The following KSR1 variants were observed in gnomAD, a reference collection of about 807,000 sequenced individuals.
The protein encoded by KSR1 is kinase suppressor of ras.
In KSR1, 35 loss-of-function variants were observed where a neutral mutation model predicts 92.9. The observed-to-expected ratio is 0.38, with a 90% CI of 0.29 to 0.50. The LOEUF (loss-of-function observed/expected upper bound fraction) is 0.50. KSR1 is among the 20% of genes least tolerant of loss of function. The pLI is 0.94. For synonymous variants in KSR1, 467 were observed against 472.6 expected, an observed-to-expected ratio of 0.99 and a Z score of 0.15; for missense variants, 972 against 1,158.5, an observed-to-expected ratio of 0.84 and a Z score of 2.34.
In KSR1 at chr17:27,620,295, G is replaced by C. The variant is rs530587340; in HGVS notation, c.2628-898G>C. On this transcript the variant is annotated intron_variant, in intron 19 of 20. Transcript: ENST00000644974. Reference sequence around the variant, plus strand: ...TTTAGGCAGCCATTGCTGCACACCTGCCGCATGCCTGCACACCTGCCGCAT... The same window carrying C: ...TTTAGGCAGCCATTGCTGCACACCTCCCGCATGCCTGCACACCTGCCGCAT... 3.3e-5 allele frequency among the ~76,000 whole-genome samples: 5 copies of C among 152,268 alleles called. No individual in the cohort carries two copies. In the East Asian group the frequency reaches 9.7e-4, roughly 29 times the overall value.
chr17:27,507,563 CTTTTTTT>C (rs751092460), intron 1 of KSR1, among the ~76,000 whole-genome samples: 1 of 43,324 alleles, frequency 2.3e-5, no homozygotes, highest in Non-Finnish European at 4.2e-5. Context: ...TATTGTTTGG[CTTTTTTT>C]TTTTTTTTTT....
chr17:27,457,181 G>T (rs1419979592), intron 1 of KSR1, among the ~76,000 whole-genome samples: 1 of 152,114 alleles, frequency 6.6e-6, no homozygotes, highest in East Asian at 1.9e-4. Flanking sequence ...CAGTTTGCGG[G>T]GCCGCAGGAC....
chr17:27,554,329 CAG>C (rs1381239315), intron 2 of KSR1, among the ~76,000 whole-genome samples: 1 of 152,232 alleles, frequency 6.6e-6, no homozygotes, highest in Admixed American at 6.5e-5. Context: ...TCATCTAAAA[CAG>C]GGGACCCATC....
At chr17:27,526,068 T>C (rs9909945) in intron 1 of KSR1, among the ~76,000 whole-genome samples, 29 of 57,978 alleles carry the variant, frequency 5.0e-4, no homozygotes, top group South Asian at 2.7e-3. Context: ...CTCTCTTTCT[T>C]TCTCTTTCTT....
intron 9 of KSR1, among the ~76,000 whole-genome samples, chr17:27,596,405 C>G (rs1055337363): frequency 1.3e-5 from 2 of 152,184 alleles, no homozygotes; most frequent in African/African-American, 4.8e-5. Flanking sequence ...TCTCACTAGG[C>G]ACCAAACGTG....
At chr17:27,611,966 A>T (rs989688544) in intron 18 of KSR1, among the ~76,000 whole-genome samples, 14 of 152,040 alleles carry the variant, frequency 9.2e-5, no homozygotes, top group South Asian at 2.1e-4. Flanking sequence ...AATTTTTTTT[A>T]AAAAAATCAC....
chr17:27,539,547 C>G (rs766973621), intron 1 of KSR1, among the ~76,000 whole-genome samples: 1 of 152,192 alleles, frequency 6.6e-6, no homozygotes, highest in Non-Finnish European at 1.5e-5. Flanking sequence ...CTGCCGCTTA[C>G]GACCGTTGTC....
At chr17:27,568,097 A>G (rs1470570092) in intron 2 of KSR1, among the ~76,000 whole-genome samples, 1 of 152,174 alleles carries the variant, frequency 6.6e-6, no homozygotes, top group African/African-American at 2.4e-5. Context: ...TGTGGGGCAG[A>G]AGTTGTTTTC....
At chr17:27,601,228 A>C in intron 10 of KSR1, 132 bp from the exon 11 acceptor site, 1 of 733,748 alleles carries the variant, frequency 1.4e-6, no homozygotes, top group Non-Finnish European at 2.3e-6. Flanking sequence ...TGTCCTTGCC[A>C]GGTCCATCTG....
chr17:27,505,930 CA>C (rs1408183004), intron 1 of KSR1, among the ~76,000 whole-genome samples: 3 of 152,176 alleles, frequency 2.0e-5, no homozygotes, highest in African/African-American at 7.2e-5. Flanking sequence ...CATCAGACCT[CA>C]GGGGTGACCA....
intron 19 of KSR1, among the ~76,000 whole-genome samples, chr17:27,619,147 C>T (rs1387428429): frequency 6.6e-6 from 1 of 152,126 alleles, no homozygotes; most frequent in Non-Finnish European, 1.5e-5. Context: ...CTGAGGCCCC[C>T]GTCCCTGTGT....
intron 1 of KSR1, among the ~76,000 whole-genome samples, chr17:27,550,066 G>T (rs2071336320): frequency 6.6e-6 from 1 of 152,150 alleles, no homozygotes; most frequent in Admixed American, 6.5e-5. Context: ...CCGAGACAGG[G>T]TCTTGTTCTG....
chr17:27,605,780 G>A lies in KSR1; in HGVS notation c.1961G>A (p.Cys654Tyr). ...AACGTGGTGCTCTTCATGGGGGCCT[G>A]CATGAACCCGCCCCACCTGGCCATT... is the stretch of plus-strand genomic sequence containing the variant. ...HENVVLFMGA[C>Y]MNPPHLAIIT... Residue 654 changes from cysteine to tyrosine, a missense_variant, in exon 14 of 21, where the codon TGC becomes TAC. This residue lies in a region of KSR1 where 260 missense variants were observed against 375.2 expected (regional missense o/e 0.69). Coordinates refer to ENST00000644974, the MANE Select transcript of KSR1 (RefSeq NM_001394583.1). The A allele has an allele frequency of 6.2e-7, 1 of 1,612,574 alleles. No homozygotes were observed. The highest frequency in any genetic ancestry group is 8.5e-7 in the Non-Finnish European group (1 of 1,179,764).
intron 1 of KSR1, among the ~76,000 whole-genome samples, chr17:27,521,742 C>G (rs1389207377): frequency 6.6e-6 from 1 of 152,210 alleles, no homozygotes; most frequent in Non-Finnish European, 1.5e-5. Flanking sequence ...CCTGCAAAGG[C>G]TACTCTGATG....
chr17:27,482,379 T>C (rs1161288899), intron 1 of KSR1, among the ~76,000 whole-genome samples: 1 of 152,232 alleles, frequency 6.6e-6, no homozygotes, highest in Non-Finnish European at 1.5e-5. Context: ...ATAGTGAGCC[T>C]GAATGTGTAC....
At chr17:27,506,007 C>A (rs912664459) in intron 1 of KSR1, among the ~76,000 whole-genome samples, 1 of 152,018 alleles carries the variant, frequency 6.6e-6, no homozygotes, top group Admixed American at 6.6e-5. Context: ...TAGAAGATAG[C>A]CTTTAAAAAA....
chr17:27,585,765 G>A, intron 5 of KSR1, 104 bp downstream of exon 5: 2 of 718,494 alleles, frequency 2.8e-6, no homozygotes, highest in Admixed American at 2.0e-5. Flanking sequence ...AGCCCGTTCA[G>A]CCTCTCCATA....
At chr17:27,583,689 A>C (rs1457167076) in intron 4 of KSR1, among the ~76,000 whole-genome samples, 1 of 152,106 alleles carries the variant, frequency 6.6e-6, no homozygotes. Context: ...CATACCATCT[A>C]CTCTGTCCCA....
intron 5 of KSR1, among the ~76,000 whole-genome samples, chr17:27,586,617 G>A (rs1284809673): frequency 6.6e-6 from 1 of 152,182 alleles, no homozygotes; most frequent in Admixed American, 6.5e-5. Context: ...CCCATCTCTA[G>A]GACAGCCCCA....
Sources: gnomAD v4.1 joint callset for allele counts (sites outside exome capture counted in the v4.1 genomes callset) on GRCh38, gnomAD v4.1.1 for gene constraint, gnomAD v4.1.1 regional missense constraint, MANE v1.5 for transcripts, NCBI Gene and HGNC (gene_info 2026-07-23, HGNC 2026-07-21) for gene names.